Variants in KHDRBS2 observed in about 807,000 individuals in gnomAD.
KHDRBS2 encodes the protein KH domain-containing, RNA-binding, signal transduction-associated protein 2.
KHDRBS2 carries 26 observed loss-of-function variants against 44.3 expected under a neutral mutation model. The observed-to-expected ratio is 0.59, with a 90% CI of 0.43 to 0.81. The LOEUF (loss-of-function observed/expected upper bound fraction) is 0.81, where lower values mean the gene tolerates loss of function less well. Among genes scored for constraint, KHDRBS2 ranks in the 40% least tolerant of loss-of-function variants. The pLI is 0.00. For missense variants in KHDRBS2, 476 were observed against 433.1 expected, an observed-to-expected ratio of 1.10 and a Z score of -0.88; for synonymous variants, 194 against 151.1, an observed-to-expected ratio of 1.28 and a Z score of -2.08.
intron 2 of KHDRBS2, among the ~76,000 whole-genome samples, chr6:62,059,638 T>A (rs1219907180): frequency 6.6e-6 from 1 of 151,560 alleles, no homozygotes; most frequent in Non-Finnish European, 1.5e-5. Flanking sequence ...AAAATTGGAG[T>A]ATATTCCATT....
intron 2 of KHDRBS2, among the ~76,000 whole-genome samples, chr6:62,122,753 T>C (rs1436251218): frequency 8.0e-6 from 1 of 125,606 alleles, no homozygotes; most frequent in Non-Finnish European, 1.7e-5. Flanking sequence ...AGCCCCCTTT[T>C]AGCCAGTGTC....
chr6:61,700,773 A>C (rs1303382551), intron 7 of KHDRBS2, among the ~76,000 whole-genome samples: 1 of 151,486 alleles, frequency 6.6e-6, no homozygotes, highest in Admixed American at 6.6e-5. Context: ...GTGATGATCT[A>C]GTATCTGCAA....
In KHDRBS2 at chr6:61,697,239, T is replaced by C. The variant is rs1242947412; in HGVS notation, c.908A>G (p.Tyr303Cys). The change falls in exon 8 of 9, where the codon TAT becomes TGT. Residue 303 changes from tyrosine (Y) to cysteine (C), a missense_variant. Transcript: ENST00000281156. Reference protein sequence around the residue: ...ATQTQSVPEYYDYGHGVSEDA... With the variant: ...ATQTQSVPEYCDYGHGVSEDA... Reference sequence around the variant, plus strand: ...CTCACTTACTCCATGACCGTAGTCATAGTATTCAGGCACACTGCAACAAAT... The same window carrying C: ...CTCACTTACTCCATGACCGTAGTCACAGTATTCAGGCACACTGCAACAAAT... 1.2e-6 allele frequency: 2 copies of C among 1,607,842 alleles called. No homozygotes were observed. The highest frequency in any genetic ancestry group is 8.5e-7 in the Non-Finnish European group (1 of 1,174,578).
chr6:62,018,359 C>G (rs2127277314), intron 3 of KHDRBS2, among the ~76,000 whole-genome samples: 1 of 149,160 alleles, frequency 6.7e-6, no homozygotes, highest in South Asian at 2.1e-4. Context: ...CCTTCTCACC[C>G]AAATATTTTT....
intron 3 of KHDRBS2, among the ~76,000 whole-genome samples, chr6:62,046,742 A>G (rs1787787569): frequency 6.6e-6 from 1 of 151,876 alleles, no homozygotes; most frequent in African/African-American, 2.4e-5. Flanking sequence ...TATTTATTTT[A>G]AGTGTAGTCA....
chr6:61,751,003 T>C (rs932747986), intron 6 of KHDRBS2, among the ~76,000 whole-genome samples: 29 of 152,124 alleles, frequency 1.9e-4, no homozygotes, highest in Admixed American at 6.5e-5. Context: ...TATTACTTTA[T>C]GTCATAATAT....
chr6:61,960,093 G>GT (rs1554295008), intron 4 of KHDRBS2, among the ~76,000 whole-genome samples: 1 of 35,132 alleles, frequency 2.8e-5, no homozygotes. Flanking sequence ...TACTTTTCAG[G>GT]CCCTTGCTTG....
intron 1 of KHDRBS2, among the ~76,000 whole-genome samples, chr6:62,230,168 T>A (rs1442177136): frequency 6.6e-6 from 1 of 152,210 alleles, no homozygotes; most frequent in Non-Finnish European, 1.5e-5. Flanking sequence ...GTATTTCAAC[T>A]CCTTTTCTTC....
chr6:61,698,775 T>A (rs1387072828), intron 7 of KHDRBS2, among the ~76,000 whole-genome samples: 2 of 152,090 alleles, frequency 1.3e-5, no homozygotes, highest in African/African-American at 4.8e-5. Flanking sequence ...TCTCTGAACA[T>A]TACAAACACA....
At chr6:61,828,286 A>G (rs146891584) in intron 6 of KHDRBS2, among the ~76,000 whole-genome samples, 1 of 152,302 alleles carries the variant, frequency 6.6e-6, no homozygotes, top group African/African-American at 2.4e-5. Flanking sequence ...CACAGAGATC[A>G]CATCTGTTTC....
chr6:62,168,572 C>T (rs1819175808), intron 2 of KHDRBS2, among the ~76,000 whole-genome samples: 1 of 152,068 alleles, frequency 6.6e-6, no homozygotes, highest in Admixed American at 6.5e-5. Flanking sequence ...TTAGGTATAT[C>T]TTGGTTTATT....
chr6:61,992,899 T>C (rs1006890409), intron 3 of KHDRBS2, among the ~76,000 whole-genome samples: 24 of 152,132 alleles, frequency 1.6e-4, no homozygotes, highest in Non-Finnish European at 2.6e-4. Flanking sequence ...GCTCTACCAA[T>C]ACTGGAAAGT....
intron 2 of KHDRBS2, among the ~76,000 whole-genome samples, chr6:62,150,423 TTA>T: frequency 6.6e-6 from 1 of 152,306 alleles, no homozygotes; most frequent in African/African-American, 2.4e-5. Context: ...TAGGTGCTAT[TTA>T]TATCTTCATT....
chr6:61,850,730 C>T (rs138534440), intron 6 of KHDRBS2, among the ~76,000 whole-genome samples: 1 of 152,188 alleles, frequency 6.6e-6, no homozygotes, highest in Non-Finnish European at 1.5e-5. Flanking sequence ...AAGCTCATGT[C>T]AATCCAGCTG....
the KHDRBS2 span, among the ~76,000 whole-genome samples, chr6:61,568,355 G>GT: frequency 1.1e-4 from 17 of 151,066 alleles, no homozygotes; most frequent in Non-Finnish European, 2.5e-4. Flanking sequence ...ATTTTAGGAT[G>GT]TTTTTTTCTA....
At position 61,978,077 on chromosome 6, in the gene KHDRBS2, A is replaced by T. The variant is rs1773070162; in HGVS notation, c.472T>A (p.Phe158Ile). 6.3e-7 allele frequency: 1 copy of T among 1,589,968 alleles called. No homozygotes were observed. The highest frequency in any genetic ancestry group is 1.4e-5 in the African/African-American group (1 of 73,182). The change falls in exon 4 of 9, where the codon TTC becomes ATC. Residue 158 changes from phenylalanine to isoleucine, a missense_variant. Transcript: ENST00000281156. ...MSHALEEIKK[F>I]LVPDYNDEIR... ...TGAAAGACACTTACAGGAACCAGGA[A>T]TTTTTTAATCTCTTCCAATGCATGA...
chr6:62,042,594 T>A (rs1329738846), intron 3 of KHDRBS2, among the ~76,000 whole-genome samples: 1 of 152,108 alleles, frequency 6.6e-6, no homozygotes, highest in Non-Finnish European at 1.5e-5. Flanking sequence ...GAGACTATTA[T>A]GCTGTTTGAT....
At chr6:61,910,232 C>CTA (rs1805811728) in intron 4 of KHDRBS2, among the ~76,000 whole-genome samples, 1 of 152,198 alleles carries the variant, frequency 6.6e-6, no homozygotes, top group Non-Finnish European at 1.5e-5. Context: ...ACAGAACATG[C>CTA]TATTAAATAA....
At chr6:61,755,152 T>G (rs1022322081) in intron 6 of KHDRBS2, among the ~76,000 whole-genome samples, 1 of 152,138 alleles carries the variant, frequency 6.6e-6, no homozygotes, top group Non-Finnish European at 1.5e-5. Flanking sequence ...TATTTTTGAG[T>G]TCAAGAATGT....
Sources: allele counts gnomAD v4.1 joint callset (sites outside exome capture counted in the v4.1 genomes callset), GRCh38; gene constraint gnomAD v4.1.1; transcripts MANE v1.5; gene names NCBI Gene and HGNC (gene_info 2026-07-23, HGNC 2026-07-21).